Variants in PLCH1 observed in about 807,000 individuals in gnomAD.
PLCH1 encodes 1-phosphatidylinositol 4,5-bisphosphate phosphodiesterase eta-1.
PLCH1 carries 60 observed loss-of-function variants against 126.7 expected under a neutral mutation model. The ratio of observed to expected loss-of-function variants is 0.47; its 90% CI spans 0.38 to 0.59. PLCH1 has a LOEUF of 0.59. Among genes scored for constraint, PLCH1 ranks in the 20% least tolerant of loss-of-function variants. PLCH1 has a pLI of 0.00. For missense variants in PLCH1, 1,723 were observed against 2,040.0 expected (o/e 0.84, Z 2.99); for synonymous variants, 719 against 734.9 (o/e 0.98, Z 0.35).
intron 2 of PLCH1, among the ~76,000 whole-genome samples, chr3:155,643,677 G>T (rs1186678375): frequency 1.3e-5 from 2 of 151,986 alleles, no homozygotes; most frequent in Admixed American, 6.6e-5. Flanking sequence ...CATTTCATTG[G>T]ACCTGCCAGT....
intron 21 of PLCH1, among the ~76,000 whole-genome samples, chr3:155,461,213 T>C (rs1712712721): frequency 6.6e-6 from 1 of 152,186 alleles, no homozygotes; most frequent in East Asian, 1.9e-4. Flanking sequence ...AGAGAATAGA[T>C]CAATCAACTT....
chr3:155,517,791 T>C (rs756109409), intron 11 of PLCH1, among the ~76,000 whole-genome samples: 55 of 152,178 alleles, frequency 3.6e-4, no homozygotes, highest in Non-Finnish European at 5.0e-4. Flanking sequence ...CCCACTGTAA[T>C]GACTAACAGC....
chr3:155,553,961 G>T, intron 9 of PLCH1, 115 bp downstream of exon 9: 3 of 876,004 alleles, frequency 3.4e-6, no homozygotes, highest in Non-Finnish European at 1.7e-6. Flanking sequence ...AACTAGTCTA[G>T]CAAAGAGGGC....
At chr3:155,542,338 A>C (rs1283934681) in intron 10 of PLCH1, among the ~76,000 whole-genome samples, 4 of 152,110 alleles carry the variant, frequency 2.6e-5, no homozygotes, top group Admixed American at 1.3e-4. Context: ...GGGGGAGGGG[A>C]GCCCGCCATT....
At chr3:155,510,177 C>A (rs1173812026) in intron 12 of PLCH1, among the ~76,000 whole-genome samples, 1 of 102,852 alleles carries the variant, frequency 9.7e-6, no homozygotes, top group Admixed American at 9.7e-5. Flanking sequence ...AGAATTGCAA[C>A]CCCTGCCTTT....
At chr3:155,673,830 G>T (rs1743805339) in intron 2 of PLCH1, among the ~76,000 whole-genome samples, 1 of 152,154 alleles carries the variant, frequency 6.6e-6, no homozygotes, top group Non-Finnish European at 1.5e-5. Context: ...AGGCCATGGG[G>T]GAAATTAGTA....
intron 6 of PLCH1, among the ~76,000 whole-genome samples, chr3:155,572,859 G>A (rs1729406854): frequency 6.6e-6 from 1 of 151,510 alleles, no homozygotes; most frequent in South Asian, 2.1e-4. Flanking sequence ...CCATGTAGTG[G>A]GGACTACAGC....
intron 18 of PLCH1, 27 bp downstream of exon 18, chr3:155,492,702 T>G (rs1576816542): frequency 6.5e-7 from 1 of 1,527,610 alleles, no homozygotes; most frequent in African/African-American, 1.4e-5. Flanking sequence ...AATTAACCAC[T>G]TAGACACGTA....
At chr3:155,515,059 T>G (rs533654887) in intron 11 of PLCH1, among the ~76,000 whole-genome samples, 175 bp from the exon 12 acceptor site, 10 of 152,344 alleles carry the variant, frequency 6.6e-5, no homozygotes, top group African/African-American at 2.4e-4. Flanking sequence ...AATCCTTTAA[T>G]AATAAGGATT....
chr3:155,537,665 A>G (rs895193830), intron 10 of PLCH1, among the ~76,000 whole-genome samples: 3 of 152,180 alleles, frequency 2.0e-5, no homozygotes, highest in Non-Finnish European at 4.4e-5. Context: ...ACACTATACC[A>G]TGATAAAAGA....
chr3:155,718,695 G>A (rs1179085606), intron 1 of PLCH1, among the ~76,000 whole-genome samples: 2 of 152,140 alleles, frequency 1.3e-5, no homozygotes, highest in African/African-American at 4.8e-5. Context: ...CTTTCGAGAT[G>A]TCACTTACTA....
At chr3:155,571,496 G>A (rs766200555) in intron 6 of PLCH1, among the ~76,000 whole-genome samples, 2 of 152,180 alleles carry the variant, frequency 1.3e-5, no homozygotes, top group Non-Finnish European at 2.9e-5. Context: ...TGCTTACCGC[G>A]TTCAAGCAAT....
chr3:155,618,825 CA>C (rs1736109789), intron 2 of PLCH1, among the ~76,000 whole-genome samples: 1 of 152,060 alleles, frequency 6.6e-6, no homozygotes, highest in Non-Finnish European at 1.5e-5. Flanking sequence ...GCCTTTTTGC[CA>C]CAGGCCAGAC....
chr3:155,499,828 T>C (rs1459746118), intron 14 of PLCH1, among the ~76,000 whole-genome samples: 2 of 152,158 alleles, frequency 1.3e-5, no homozygotes, highest in Non-Finnish European at 2.9e-5. Flanking sequence ...ATATATTCAA[T>C]TTTCTGTTCC....
chr3:155,738,882 T>C (rs892529832), intron 1 of PLCH1, among the ~76,000 whole-genome samples: 3 of 150,838 alleles, frequency 2.0e-5, no homozygotes, highest in African/African-American at 7.3e-5. Context: ...GCCCTGGAGG[T>C]GGAGGCTGCA....
chr3:155,724,823 G>A (rs1427618783), intron 1 of PLCH1, among the ~76,000 whole-genome samples: 1 of 150,354 alleles, frequency 6.7e-6, no homozygotes, highest in African/African-American at 2.4e-5. Context: ...TTGTGTGTGT[G>A]TGTGTGTGTG....
intron 21 of PLCH1, among the ~76,000 whole-genome samples, chr3:155,486,581 G>A (rs930675971): frequency 4.9e-5 from 7 of 141,706 alleles, no homozygotes; most frequent in African/African-American, 1.9e-4. Context: ...GCGGACTGCA[G>A]TGGCGCAATC....
At chr3:155,704,068 C>T (rs1746474371) in intron 2 of PLCH1, 78 bp downstream of exon 2, 1 of 533,882 alleles carries the variant, frequency 1.9e-6, no homozygotes, top group Non-Finnish European at 2.9e-6. Context: ...ACCATATTTG[C>T]ATCTAGAGTG....
chr3:155,593,889 C>A (rs770078062), intron 4 of PLCH1, 52 bp downstream of exon 4: 1 of 1,572,848 alleles, frequency 6.4e-7, no homozygotes, highest in East Asian at 2.2e-5. Flanking sequence ...AATGCACACA[C>A]GCATACACAG....
Sources: allele counts gnomAD v4.1 joint callset (sites outside exome capture counted in the v4.1 genomes callset), GRCh38; gene constraint gnomAD v4.1.1; transcripts MANE v1.5; gene names NCBI Gene and HGNC (gene_info 2026-07-23, HGNC 2026-07-21).